Variants in ENAH observed in about 807,000 individuals in gnomAD.
The protein encoded by ENAH is ENAH actin regulator.
In ENAH, 23 loss-of-function variants were observed where a neutral mutation model predicts 78.7. That is an observed-to-expected ratio of 0.29 (90% confidence interval 0.21 to 0.41). The LOEUF (loss-of-function observed/expected upper bound fraction) is 0.41, where lower values mean the gene tolerates loss of function less well. Ranked by LOEUF, ENAH falls within the 10% of genes least tolerant of loss-of-function variation. The probability of loss-of-function intolerance (pLI) is 1.00; values close to 1 mark genes in which losing one functional copy is unlikely to be tolerated. For missense variants in ENAH, 544 were observed against 691.0 expected, an observed-to-expected ratio of 0.79 and a Z score of 2.39; for synonymous variants, 226 against 241.0, an observed-to-expected ratio of 0.94 and a Z score of 0.58.
chr1:225,512,694 C>G lies in ENAH; in HGVS notation c.1385G>C (p.Gly462Ala). 3.7e-6 allele frequency: 6 copies of G among 1,613,724 alleles called. No individual in the cohort carries two copies. Among genetic ancestry groups the G allele is most frequent in the Non-Finnish European group, 5.1e-6 (6 of 1,179,862 alleles). ...LARRRRIAEK[G>A]STIETEQKED... is the part of the protein sequence containing the mutation. ...TTTTTGTTCTGTTTCTATTGTTGAT[C>G]CCTTTTCAGCAATTCTTCTCCTACA... The change falls in exon 9 of 14, where the codon GGA (glycine) becomes GCA (alanine). Residue 462 changes from glycine to alanine, a missense_variant. Transcript: ENST00000366843.
chr1:225,542,710 C>A (rs925448955), intron 3 of ENAH, among the ~76,000 whole-genome samples: 1 of 152,194 alleles, frequency 6.6e-6, no homozygotes, highest in South Asian at 2.1e-4. Context: ...GTTTGTCTCA[C>A]ATGGGATTTA....
intron 1 of ENAH, among the ~76,000 whole-genome samples, chr1:225,590,377 T>C (rs1431768639): frequency 6.6e-6 from 1 of 151,342 alleles, no homozygotes; most frequent in Non-Finnish European, 1.5e-5. Flanking sequence ...GGCTCAAAAA[T>C]CACTTGAGCC....
chr1:225,532,375 G>A (rs895281622), intron 3 of ENAH, among the ~76,000 whole-genome samples: 1 of 152,056 alleles, frequency 6.6e-6, no homozygotes, highest in African/African-American at 2.4e-5. Context: ...TTAAAATAAT[G>A]TTTACTTGAG....
chr1:225,520,403 T>TA (rs1349229699), intron 4 of ENAH, among the ~76,000 whole-genome samples: 3 of 152,112 alleles, frequency 2.0e-5, no homozygotes, highest in Non-Finnish European at 4.4e-5. Context: ...CATATGTATA[T>TA]AAAGACACAC....
intron 1 of ENAH, among the ~76,000 whole-genome samples, chr1:225,596,934 G>A (rs560159194): frequency 1.3e-5 from 2 of 152,204 alleles, no homozygotes; most frequent in South Asian, 4.2e-4. Flanking sequence ...GATAAAAATG[G>A]CAACTAAATT....
chr1:225,580,394 C>T (rs1053354857), intron 1 of ENAH: 4 of 152,076 alleles, frequency 2.6e-5, no homozygotes, highest in African/African-American at 9.7e-5. Context: ...AGATCCTCCT[C>T]CCCCCGTGAT....
chr1:225,605,422 A>C (rs756616471), intron 1 of ENAH, among the ~76,000 whole-genome samples: 1 of 152,158 alleles, frequency 6.6e-6, no homozygotes, highest in Non-Finnish European at 1.5e-5. Flanking sequence ...CAGTTCATAG[A>C]TTTGGAAGCA....
At chr1:225,520,783 G>C (rs1015838106) in intron 4 of ENAH, among the ~76,000 whole-genome samples, 7 of 152,126 alleles carry the variant, frequency 4.6e-5, no homozygotes, top group Non-Finnish European at 1.0e-4. Flanking sequence ...TTGGGCCTAG[G>C]AGTCTGAGGC....
intron 4 of ENAH, among the ~76,000 whole-genome samples, chr1:225,523,847 A>G (rs990411374): frequency 1.3e-5 from 2 of 152,216 alleles, no homozygotes; most frequent in Non-Finnish European, 2.9e-5. Context: ...CAATTCACAT[A>G]CTGGAAATGC....
chr1:225,629,610 G>A (rs1023735551), intron 1 of ENAH, among the ~76,000 whole-genome samples: 5 of 151,850 alleles, frequency 3.3e-5, no homozygotes, highest in Admixed American at 2.0e-4. Context: ...AAAGTAGAAG[G>A]TGGGGAAAAA....
chr1:225,530,444 G>T, intron 4 of ENAH, 110 bp downstream of exon 4: 1 of 810,182 alleles, frequency 1.2e-6, no homozygotes, highest in Non-Finnish European at 2.0e-6. Flanking sequence ...AAGAATAAAA[G>T]TTGTGACTCT....
chr1:225,588,801 CAAAAAA>C (rs55962047), intron 1 of ENAH, among the ~76,000 whole-genome samples: 9 of 78,434 alleles, frequency 1.1e-4, no homozygotes, highest in African/African-American at 4.3e-4. Context: ...AAGTCTGTGT[CAAAAAA>C]AAAAAAAAAA....
intron 1 of ENAH, among the ~76,000 whole-genome samples, chr1:225,568,524 G>C (rs1269925756): frequency 1.3e-5 from 2 of 152,146 alleles, no homozygotes; most frequent in Non-Finnish European, 1.5e-5. Flanking sequence ...ATACTCCTGA[G>C]ACTTAACAGT....
intron 1 of ENAH, among the ~76,000 whole-genome samples, chr1:225,568,666 G>C (rs1188508740): frequency 1.3e-5 from 2 of 152,252 alleles, no homozygotes; most frequent in East Asian, 3.9e-4. Flanking sequence ...TTCTCAAACA[G>C]AAAGTCACCC....
At chr1:225,622,338 A>G (rs1022283992) in intron 1 of ENAH, among the ~76,000 whole-genome samples, 3 of 152,210 alleles carry the variant, frequency 2.0e-5, no homozygotes, top group African/African-American at 7.2e-5. Flanking sequence ...CTTATAATCC[A>G]GCACTTTGGG....
At chr1:225,569,232 A>G (rs2096748695) in intron 1 of ENAH, among the ~76,000 whole-genome samples, 2 of 152,228 alleles carry the variant, frequency 1.3e-5, no homozygotes, top group South Asian at 4.1e-4. Flanking sequence ...ACAAATCTAG[A>G]ATAATACAGG....
chr1:225,625,359 G>C (rs997468800), intron 1 of ENAH, among the ~76,000 whole-genome samples: 1 of 152,150 alleles, frequency 6.6e-6, no homozygotes, highest in Non-Finnish European at 1.5e-5. Flanking sequence ...TGCAAGAAAT[G>C]AGATGTTGTC....
chr1:225,548,154 T>C (rs1575484954), intron 3 of ENAH, among the ~76,000 whole-genome samples: 1 of 151,586 alleles, frequency 6.6e-6, no homozygotes, highest in Non-Finnish European at 1.5e-5. Flanking sequence ...TGGAGAAAAT[T>C]TGAAAGCCTA....
chr1:225,598,047 A>G (rs1277586420), intron 1 of ENAH, among the ~76,000 whole-genome samples: 2 of 151,920 alleles, frequency 1.3e-5, no homozygotes, highest in Non-Finnish European at 2.9e-5. Flanking sequence ...TTTTTAAGGT[A>G]AGGAGACAGT....
Sources: gnomAD v4.1 joint callset for allele counts (sites outside exome capture counted in the v4.1 genomes callset) on GRCh38, gnomAD v4.1.1 for gene constraint, MANE v1.5 for transcripts, NCBI Gene and HGNC (gene_info 2026-07-23, HGNC 2026-07-21) for gene names.